SHC4: variants seen among roughly 807,000 people sequenced by gnomAD.
SHC4 encodes SHC adaptor protein 4.
SHC4 carries 41 observed loss-of-function variants against 69.4 expected under a neutral mutation model. The ratio of observed to expected loss-of-function variants is 0.59; its 90% CI spans 0.46 to 0.77. The LOEUF (loss-of-function observed/expected upper bound fraction) is 0.77. Ranked by LOEUF, SHC4 falls within the 30% of genes least tolerant of loss-of-function variation. The pLI is 0.00. For synonymous variants in SHC4, 318 were observed against 299.3 expected, an observed-to-expected ratio of 1.06 and a Z score of -0.64; for missense variants, 777 against 783.8, an observed-to-expected ratio of 0.99 and a Z score of 0.10.
chr15:48,859,306 G>GGGGTGT (rs1450081822), intron 6 of SHC4, among the ~76,000 whole-genome samples: 8 of 145,926 alleles, frequency 5.5e-5, no homozygotes, highest in Admixed American at 1.4e-4. Flanking sequence ...ATTTGAAAGG[G>GGGGTGT]GTGTGTGTGT....
At chr15:48,847,871 G>A (rs921937832) in intron 9 of SHC4, among the ~76,000 whole-genome samples, 6 of 151,700 alleles carry the variant, frequency 4.0e-5, no homozygotes, top group East Asian at 3.9e-4. Context: ...GCATGGTGGC[G>A]CATGCCTGTA....
chr15:48,950,882 G>A (rs976822139), intron 1 of SHC4, among the ~76,000 whole-genome samples: 9 of 151,998 alleles, frequency 5.9e-5, no homozygotes, highest in Non-Finnish European at 8.8e-5. Context: ...CAAGCCCTGC[G>A]GTTCTTTCTC....
chr15:48,837,554 TTATA>T (rs1898921752), intron 10 of SHC4, among the ~76,000 whole-genome samples: 2 of 152,084 alleles, frequency 1.3e-5, no homozygotes, highest in Non-Finnish European at 2.9e-5. Flanking sequence ...ATATGGTTAT[TTATA>T]TATAATTTAT....
intron 1 of SHC4, among the ~76,000 whole-genome samples, chr15:48,926,245 G>A (rs1288484222): frequency 1.3e-5 from 2 of 152,144 alleles, no homozygotes; most frequent in African/African-American, 4.8e-5. Flanking sequence ...GAGGGAGAGT[G>A]CTTCTTTGAG....
At chr15:48,938,385 C>T (rs566748159) in intron 1 of SHC4, 19 of 152,352 alleles carry the variant, frequency 1.2e-4, no homozygotes, top group African/African-American at 4.3e-4. Context: ...AAGCTTTCTC[C>T]TATTCCCTGG....
intron 4 of SHC4, among the ~76,000 whole-genome samples, chr15:48,882,697 C>T (rs1899966542): frequency 6.6e-6 from 1 of 152,206 alleles, no homozygotes; most frequent in South Asian, 2.1e-4. Context: ...TTTGCCTACT[C>T]TTCCTCCCTT....
intron 5 of SHC4, among the ~76,000 whole-genome samples, chr15:48,870,164 T>C (rs1255589605): frequency 2.0e-5 from 3 of 152,192 alleles, no homozygotes; most frequent in African/African-American, 7.2e-5. Context: ...TTAAGAAAAG[T>C]ATTTGAGTTC....
In SHC4 at chr15:48,891,130, G is replaced by A. The variant is rs138854748; in HGVS notation, c.657-319C>T. 5.6e-3 allele frequency among the ~76,000 whole-genome samples: 854 copies of A among 152,254 alleles called. 10 individuals are homozygous for A. The highest frequency in any genetic ancestry group is 0.019 in the African/African-American group (809 of 41,544). ...TTTTTAACCAAAAAGGAGGGGCAGGGCATTGTCATCTGGAAATACTTCGCA... is the reference window on the plus strand; with the variant it reads ...TTTTTAACCAAAAAGGAGGGGCAGGACATTGTCATCTGGAAATACTTCGCA... On this transcript the variant is annotated intron_variant, in intron 2 of 11. Coordinates refer to ENST00000332408, the MANE Select transcript of SHC4 (RefSeq NM_203349.4).
chr15:48,878,161 T>C (rs1899857097), intron 4 of SHC4: 1 of 1,527,826 alleles, frequency 6.5e-7, no homozygotes. Flanking sequence ...TTCCTAGAGG[T>C]TGAGCGGTTT....
At chr15:48,876,936 T>C (rs1370270567) in intron 4 of SHC4, 3 of 171,802 alleles carry the variant, frequency 1.7e-5, no homozygotes, top group Non-Finnish European at 3.7e-5. Flanking sequence ...ACGGAATGGA[T>C]CTGTGACCCA....
At chr15:48,859,952 T>C (rs1480532461) in intron 6 of SHC4, among the ~76,000 whole-genome samples, 1 of 152,082 alleles carries the variant, frequency 6.6e-6, no homozygotes, top group Non-Finnish European at 1.5e-5. Context: ...GAGGTTCACT[T>C]GAGCCCAGGG....
chr15:48,944,344 A>C (rs1901235009), intron 1 of SHC4, among the ~76,000 whole-genome samples: 1 of 152,132 alleles, frequency 6.6e-6, no homozygotes, highest in Non-Finnish European at 1.5e-5. Flanking sequence ...CCTGGAAGCC[A>C]GGAGCCCAAG....
Position 48,963,039 on chromosome 15 carries a change from A to G in SHC4, c.-24T>C. On this transcript the variant is annotated 5_prime_UTR_variant, in exon 1 of 12. Transcript: ENST00000332408. ...ATAGCCTTGGCAGTGCTGAAACAGGATACTGTTGCATAAATCGCCTCGTCG... is the reference window on the plus strand; with the variant it reads ...ATAGCCTTGGCAGTGCTGAAACAGGGTACTGTTGCATAAATCGCCTCGTCG... 6.4e-7 allele frequency: 1 copy of G among 1,567,518 alleles called. No individual in the cohort carries two copies. The highest frequency in any genetic ancestry group is 8.7e-7 in the Non-Finnish European group (1 of 1,156,026).
chr15:48,870,204 G>C (rs1252843430), intron 5 of SHC4, among the ~76,000 whole-genome samples: 1 of 152,224 alleles, frequency 6.6e-6, no homozygotes, highest in Non-Finnish European at 1.5e-5. Context: ...AGGGAGAAGA[G>C]AAAGTGCTGG....
chr15:48,876,159 C>T (rs1463528336), intron 4 of SHC4, among the ~76,000 whole-genome samples: 1 of 152,184 alleles, frequency 6.6e-6, no homozygotes, highest in Admixed American at 6.5e-5. Flanking sequence ...ACATATTCAA[C>T]CTGCTCAGTG....
intron 1 of SHC4, among the ~76,000 whole-genome samples, chr15:48,961,654 A>G: frequency 6.6e-6 from 1 of 152,220 alleles, no homozygotes; most frequent in East Asian, 1.9e-4. Flanking sequence ...CAGCATTCTC[A>G]TATTAGCTAT....
rs1021229868 is a variant in SHC4, at chr15:48,890,894, C to T, written c.657-83G>A. The T allele has an allele frequency of 3.4e-6, 5 of 1,466,366 alleles. No homozygotes were observed. The South Asian group carries it at 3.5e-5, about 10-fold the overall frequency. 90.8% of individuals were successfully genotyped at this position (1,466,366 alleles called of 1,614,324 possible). The stretch of plus-strand genomic sequence containing the variant: ...GTTTAAGAAATGTTAGAAATTATCA[C>T]GACCAAAAAGTACACATACATAATA... On this transcript the variant is annotated intron_variant, in intron 2 of 11. Transcript: ENST00000332408.
At chr15:48,831,517 A>T (rs1198675530) in intron 11 of SHC4, among the ~76,000 whole-genome samples, 4 of 152,204 alleles carry the variant, frequency 2.6e-5, no homozygotes, top group Non-Finnish European at 5.9e-5. Context: ...AATTGTCTAC[A>T]GTATTCAGTA....
intron 1 of SHC4, among the ~76,000 whole-genome samples, chr15:48,927,475 A>T (rs546011041): frequency 6.6e-6 from 1 of 152,330 alleles, no homozygotes; most frequent in Admixed American, 6.5e-5. Context: ...AAGGTGACCA[A>T]GCACCTACAT....
Sources: gnomAD v4.1 joint callset for allele counts (sites outside exome capture counted in the v4.1 genomes callset) on GRCh38, gnomAD v4.1.1 for gene constraint, MANE v1.5 for transcripts, NCBI Gene and HGNC (gene_info 2026-07-23, HGNC 2026-07-21) for gene names.